Variants in SCG5 observed in about 807,000 individuals in gnomAD.
SCG5 encodes the protein secretogranin V.
SCG5 carries 18 observed loss-of-function variants against 25.7 expected under a neutral mutation model. The observed-to-expected ratio is 0.70, with a 90% CI of 0.48 to 1.04. SCG5 has a LOEUF of 1.04. Among genes scored for constraint, SCG5 ranks in the 50% least tolerant of loss-of-function variants. The pLI is 0.00. For synonymous variants in SCG5, 101 were observed against 91.7 expected (o/e 1.10, Z -0.58); for missense variants, 206 against 259.8 (o/e 0.79, Z 1.42).
chr15:32,653,046 A>C (rs2054058242), intron 2 of SCG5, among the ~76,000 whole-genome samples: 1 of 152,146 alleles, frequency 6.6e-6, no homozygotes, highest in Non-Finnish European at 1.5e-5. Flanking sequence ...TGAACACTTC[A>C]TGTGTCTTTG....
At chr15:32,670,156 G>C (rs1433025063) in intron 2 of SCG5, among the ~76,000 whole-genome samples, 1 of 152,238 alleles carries the variant, frequency 6.6e-6, no homozygotes, top group Non-Finnish European at 1.5e-5. Flanking sequence ...GAAGAAGAAA[G>C]AGAAGGAATG....
chr15:32,678,552 G>T (rs1427284781), intron 2 of SCG5, among the ~76,000 whole-genome samples: 4 of 152,194 alleles, frequency 2.6e-5, no homozygotes, highest in African/African-American at 9.6e-5. Flanking sequence ...TTGTGAGAAT[G>T]TTGCAAAAGT....
At chr15:32,684,364 C>T in intron 3 of SCG5, 193 bp from the exon 4 acceptor site, 1 of 571,864 alleles carries the variant, frequency 1.7e-6, no homozygotes, top group South Asian at 2.2e-5. Flanking sequence ...TGAGTCTCTG[C>T]ACAGGAGTGG....
At chr15:32,686,250 G>C (rs1595817843) in intron 4 of SCG5, among the ~76,000 whole-genome samples, 1 of 152,102 alleles carries the variant, frequency 6.6e-6, no homozygotes, top group Non-Finnish European at 1.5e-5. Context: ...ACATCTATAG[G>C]TTCTCGAATA....
chr15:32,658,965 A>G (rs2054170246), intron 2 of SCG5, among the ~76,000 whole-genome samples: 1 of 152,172 alleles, frequency 6.6e-6, no homozygotes, highest in Non-Finnish European at 1.5e-5. Context: ...TCCCGAGGTC[A>G]GGAGATTGAG....
At chr15:32,653,353 G>A (rs994230193) in intron 2 of SCG5, among the ~76,000 whole-genome samples, 1 of 152,200 alleles carries the variant, frequency 6.6e-6, no homozygotes, top group Non-Finnish European at 1.5e-5. Context: ...AATTAAGTTT[G>A]CTGTATGGCA....
At chr15:32,656,611 C>T (rs901581499) in intron 2 of SCG5, among the ~76,000 whole-genome samples, 5 of 152,298 alleles carry the variant, frequency 3.3e-5, no homozygotes, top group Middle Eastern at 3.4e-3. Flanking sequence ...CTAGTACAAT[C>T]CTGTGATATT....
At chr15:32,663,971 T>A (rs2054279564) in intron 2 of SCG5, among the ~76,000 whole-genome samples, 1 of 151,720 alleles carries the variant, frequency 6.6e-6, no homozygotes, top group Non-Finnish European at 1.5e-5. Flanking sequence ...TAGCCTTGTT[T>A]ACGGTTTAGC....
chr15:32,672,091 G>A (rs1230728112), intron 2 of SCG5, among the ~76,000 whole-genome samples: 1 of 152,264 alleles, frequency 6.6e-6, no homozygotes, highest in African/African-American at 2.4e-5. Flanking sequence ...TCTGAATGAT[G>A]TATCGAGACC....
chr15:32,643,867 A>T (rs766349413), intron 2 of SCG5, 49 bp downstream of exon 2: 1 of 1,511,018 alleles, frequency 6.6e-7, no homozygotes, highest in African/African-American at 1.4e-5. Flanking sequence ...CATTTTAAAT[A>T]ATATATTTGC....
chr15:32,668,423 C>T (rs923189561), intron 2 of SCG5, among the ~76,000 whole-genome samples: 1 of 152,202 alleles, frequency 6.6e-6, no homozygotes, highest in Non-Finnish European at 1.5e-5. Context: ...GGAGTCTCCT[C>T]GTTTTAGTCT....
chr15:32,691,846 T>C (rs1333389129), intron 5 of SCG5, 83 bp downstream of exon 5: 2 of 1,562,702 alleles, frequency 1.3e-6, no homozygotes, highest in East Asian at 2.4e-5. Flanking sequence ...CCCTCGCTTG[T>C]TGGGAAGTCA....
At chr15:32,667,260 G>A (rs1453668290) in intron 2 of SCG5, among the ~76,000 whole-genome samples, 1 of 152,194 alleles carries the variant, frequency 6.6e-6, no homozygotes, top group Admixed American at 6.5e-5. Context: ...ACTGACTCAG[G>A]CCAACATTAT....
intron 2 of SCG5, among the ~76,000 whole-genome samples, chr15:32,651,471 C>T (rs1311188524): frequency 1.3e-5 from 2 of 152,186 alleles, no homozygotes; most frequent in Non-Finnish European, 2.9e-5. Flanking sequence ...TGAAGCAAAC[C>T]TTGAACTGTA....
intron 2 of SCG5, among the ~76,000 whole-genome samples, chr15:32,645,461 G>A (rs1182880631): frequency 1.3e-5 from 2 of 152,184 alleles, no homozygotes; most frequent in African/African-American, 4.8e-5. Flanking sequence ...GAGTGGAGAG[G>A]GAAGTGGGGA....
intron 2 of SCG5, among the ~76,000 whole-genome samples, chr15:32,646,309 C>T (rs1005144485): frequency 3.3e-5 from 5 of 152,276 alleles, no homozygotes; most frequent in African/African-American, 9.6e-5. Context: ...CCAGAGGTGT[C>T]GTCTTGGCTG....
intron 2 of SCG5, among the ~76,000 whole-genome samples, chr15:32,652,230 G>C (rs995566380): frequency 6.6e-6 from 1 of 152,168 alleles, no homozygotes; most frequent in African/African-American, 2.4e-5. Flanking sequence ...ACTGCTTTGT[G>C]GGGGCTTTGG....
intron 2 of SCG5, among the ~76,000 whole-genome samples, chr15:32,674,580 C>G (rs1327065911): frequency 6.6e-6 from 1 of 152,066 alleles, no homozygotes; most frequent in Non-Finnish European, 1.5e-5. Flanking sequence ...TTTTAAGTAA[C>G]CAGAAAAGTT....
intron 2 of SCG5, among the ~76,000 whole-genome samples, chr15:32,669,923 A>C (rs2054391593): frequency 6.6e-6 from 1 of 152,224 alleles, no homozygotes; most frequent in Non-Finnish European, 1.5e-5. Context: ...ATGCTTAAGC[A>C]AAATACCTTA....
Sources: gnomAD v4.1 joint callset for allele counts (sites outside exome capture counted in the v4.1 genomes callset) on GRCh38, gnomAD v4.1.1 for gene constraint, MANE v1.5 for transcripts, NCBI Gene and HGNC (gene_info 2026-07-23, HGNC 2026-07-21) for gene names.